The following SGCZ variants were observed in gnomAD, a reference collection of about 807,000 sequenced individuals.
SGCZ encodes zeta-sarcoglycan.
A neutral mutation model predicts 41.3 loss-of-function variants in SGCZ; 40 were observed. The observed-to-expected ratio is 0.97, with a 90% CI of 0.75 to 1.26. The LOEUF is 1.26. Ranked by LOEUF, SGCZ falls within the 50% of genes most tolerant of loss-of-function variation. The pLI is 0.00. For missense variants in SGCZ, 552 were observed against 369.8 expected (o/e 1.49, Z -4.04); for synonymous variants, 206 against 137.5 (o/e 1.50, Z -3.49).
At chr8:15,196,626 A>T (rs1585663396) in intron 1 of SGCZ, among the ~76,000 whole-genome samples, 1 of 58,820 alleles carries the variant, frequency 1.7e-5, no homozygotes, top group African/African-American at 4.4e-5. Flanking sequence ...AATTTCTTTT[A>T]TTTATTTATT....
chr8:14,454,334 G>A (rs867543785), intron 2 of SGCZ, among the ~76,000 whole-genome samples: 6 of 152,246 alleles, frequency 3.9e-5, no homozygotes, highest in African/African-American at 1.2e-4. Context: ...GCCAACACGG[G>A]AAACATGCTA....
At chr8:14,210,217 T>C (rs1805758179) in intron 4 of SGCZ, among the ~76,000 whole-genome samples, 2 of 152,018 alleles carry the variant, frequency 1.3e-5, no homozygotes. Context: ...ACTACTACCG[T>C]CTAGCTAATT....
chr8:14,333,964 C>T (rs1802423905), intron 2 of SGCZ, among the ~76,000 whole-genome samples: 1 of 152,058 alleles, frequency 6.6e-6, no homozygotes, highest in South Asian at 2.1e-4. Context: ...GTTTTAAATA[C>T]TGAACATGGC....
chr8:14,879,900 G>A (rs1393094228), intron 1 of SGCZ: 1 of 151,968 alleles, frequency 6.6e-6, no homozygotes, highest in African/African-American at 2.4e-5. Context: ...GAGTGCAGTG[G>A]CGTGTTCTCA....
intron 2 of SGCZ, among the ~76,000 whole-genome samples, chr8:14,465,923 C>T (rs1801036006): frequency 6.6e-6 from 1 of 151,592 alleles, no homozygotes; most frequent in Non-Finnish European, 1.5e-5. Context: ...GTTACAATAA[C>T]ACCAGCTTTA....
chr8:14,740,917 G>A (rs1419077669), intron 1 of SGCZ, among the ~76,000 whole-genome samples: 1 of 151,878 alleles, frequency 6.6e-6, no homozygotes, highest in Non-Finnish European at 1.5e-5. Context: ...AAGATGACAT[G>A]GATAACTCAG....
chr8:14,419,723 T>C (rs944139269), intron 2 of SGCZ, among the ~76,000 whole-genome samples: 2 of 152,136 alleles, frequency 1.3e-5, no homozygotes, highest in African/African-American at 4.8e-5. Context: ...TAAAATAAAC[T>C]AAACTTGCTT....
chr8:14,551,561 A>ATATATAATATATAT (rs1803851533), intron 2 of SGCZ, among the ~76,000 whole-genome samples: 1 of 17,908 alleles, frequency 5.6e-5, no homozygotes, highest in Non-Finnish European at 8.4e-5. Flanking sequence ...AATATATATT[A>ATATATAATATATAT]TATATATAAT....
chr8:14,339,317 C>G (rs1397220007), intron 2 of SGCZ, among the ~76,000 whole-genome samples: 1 of 152,152 alleles, frequency 6.6e-6, no homozygotes, highest in Non-Finnish European at 1.5e-5. Context: ...CACCTCTTCT[C>G]TATGTGAATG....
In SGCZ at chr8:14,536,977, C is replaced by T. The variant is rs746200251; in HGVS notation, c.234+17755G>A. 2.0e-5 allele frequency among the ~76,000 whole-genome samples: 3 copies of T among 151,888 alleles called. No homozygotes were observed. In the East Asian group the frequency reaches 5.8e-4, roughly 29 times the overall value. On this transcript the variant is annotated intron_variant, in intron 2 of 7. Transcript: ENST00000382080. ...TTCTATAAAAAGGAAATTCAAAATA[C>T]CTTCTTTAGAACTACAAAGGAAGGA...
chr8:14,088,149 AAATTAGAACTTG>A lies in SGCZ; in HGVS notation c.*2282_*2293del, dbSNP rs1801579650. ...TTCTCTTTTGCCTTTTGTAATTTTGAAATTAGAACTTGAATTAGAACTTGAAATTAGAACATG... is the reference window on the plus strand; with the variant it reads ...TTCTCTTTTGCCTTTTGTAATTTTGAAATTAGAACTTGAAATTAGAACATG... On this transcript the variant is annotated 3_prime_UTR_variant, in exon 8 of 8. Transcript: ENST00000382080. 1.3e-5 allele frequency among the ~76,000 whole-genome samples: 2 copies of A among 151,382 alleles called. No homozygotes were observed. Among genetic ancestry groups the A allele is most frequent in the South Asian group, 2.1e-4 (1 of 4,832 alleles).
At chr8:14,909,633 T>C (rs1175280509) in intron 1 of SGCZ, among the ~76,000 whole-genome samples, 1 of 152,128 alleles carries the variant, frequency 6.6e-6, no homozygotes, top group Non-Finnish European at 1.5e-5. Flanking sequence ...TTTTAGTAAA[T>C]AATATGTCAA....
intron 2 of SGCZ, among the ~76,000 whole-genome samples, chr8:14,488,833 T>C (rs1030240105): frequency 3.3e-5 from 5 of 152,150 alleles, no homozygotes; most frequent in African/African-American, 1.2e-4. Context: ...TTAAATAACA[T>C]TTTCCCCACC....
intron 4 of SGCZ, among the ~76,000 whole-genome samples, chr8:14,172,245 T>C (rs1194714368): frequency 6.6e-6 from 1 of 152,180 alleles, no homozygotes; most frequent in Non-Finnish European, 1.5e-5. Context: ...CATGCTTTAA[T>C]TACTGTAATC....
intron 1 of SGCZ, among the ~76,000 whole-genome samples, chr8:14,684,057 G>T (rs1182752899): frequency 6.6e-6 from 1 of 152,076 alleles, no homozygotes; most frequent in East Asian, 1.9e-4. Context: ...CAGTCCTAGA[G>T]ATTATGAAAC....
At chr8:14,460,080 T>C (rs1800859115) in intron 2 of SGCZ, among the ~76,000 whole-genome samples, 2 of 152,176 alleles carry the variant, frequency 1.3e-5, no homozygotes, top group South Asian at 4.1e-4. Flanking sequence ...AGTACCTATT[T>C]AATTTTGCTA....
intron 1 of SGCZ, among the ~76,000 whole-genome samples, chr8:14,832,676 G>A (rs1229649956): frequency 6.6e-6 from 1 of 152,090 alleles, no homozygotes; most frequent in Non-Finnish European, 1.5e-5. Context: ...TTGTTATCAG[G>A]GCCAGAGTAT....
At chr8:14,091,007 C>T (rs1410339113) in intron 7 of SGCZ, among the ~76,000 whole-genome samples, 1 of 151,936 alleles carries the variant, frequency 6.6e-6, no homozygotes, top group Non-Finnish European at 1.5e-5. Flanking sequence ...CCCTGACAGG[C>T]CCGGATGTGT....
At chr8:15,080,017 C>A (rs1036978358) in intron 1 of SGCZ, among the ~76,000 whole-genome samples, 1 of 152,036 alleles carries the variant, frequency 6.6e-6, no homozygotes, top group Non-Finnish European at 1.5e-5. Flanking sequence ...CTTCTCCAGC[C>A]GGTCCTCTAT....
Sources: allele counts gnomAD v4.1 joint callset (sites outside exome capture counted in the v4.1 genomes callset), GRCh38; gene constraint gnomAD v4.1.1; transcripts MANE v1.5; gene names NCBI Gene and HGNC (gene_info 2026-07-23, HGNC 2026-07-21).